Variants in PLEC observed in about 807,000 individuals in gnomAD.
The protein encoded by PLEC is plectin, also known as hemidesmosomal protein 1.
PLEC carries 216 observed loss-of-function variants against 392.8 expected under a neutral mutation model. The observed-to-expected ratio is 0.55, with a 90% CI of 0.49 to 0.62. The LOEUF (loss-of-function observed/expected upper bound fraction) is 0.62. PLEC is among the 20% of genes least tolerant of loss of function. PLEC has a pLI of 0.00. For synonymous variants in PLEC, 3,621 were observed against 2,980.6 expected (o/e 1.21, Z -7.00); for missense variants, 6,863 against 6,563.4 (o/e 1.05, Z -1.58).
upstream of PLEC, among the ~76,000 whole-genome samples, chr8:143,952,181 AACAC>A (rs66992958): frequency 0.059 from 8,207 of 140,200 alleles, 286 homozygotes; most frequent in Non-Finnish European, 0.078. Flanking sequence ...GCAGGCTCCA[AACAC>A]ACACACACAC....
chr8:143,919,043 G>A lies in PLEC; in HGVS notation c.10778C>T (p.Ser3593Leu), dbSNP rs782707803. The A allele has an allele frequency of 3.2e-5, 52 of 1,611,196 alleles. No homozygotes were observed. The highest frequency in any genetic ancestry group is 1.1e-4 in the East Asian group (5 of 44,872). The change falls in exon 32 of 32, where the codon TCG (serine) becomes TTG (leucine). Residue 3593 changes from serine to leucine, a missense_variant. Transcript: ENST00000345136. ...STMSLWEVMQ[S>L]DLIPEEQRAQ... The stretch of plus-strand genomic sequence containing the variant: ...CCGCTGCTCCTCGGGGATCAGGTCC[G>A]ACTGCATCACCTCCCACAGGGACAT...
intron 1 of PLEC, among the ~76,000 whole-genome samples, chr8:143,966,090 A>G (rs558622877): frequency 6.6e-6 from 1 of 152,188 alleles, no homozygotes; most frequent in Non-Finnish European, 1.5e-5. Context: ...CGACACCCCA[A>G]GCAGTCCCGC....
intron 16 of PLEC, 49 bp from the exon 17 acceptor site, chr8:143,932,283 T>C: frequency 6.2e-7 from 1 of 1,608,412 alleles, no homozygotes; most frequent in Non-Finnish European, 8.5e-7. Context: ...CACCCGGCTC[T>C]GCCACGCTCC....
upstream of PLEC, among the ~76,000 whole-genome samples, chr8:143,952,996 C>T (rs1246554408): frequency 7.4e-6 from 1 of 135,490 alleles, no homozygotes; most frequent in African/African-American, 2.7e-5. Flanking sequence ...GCGCCACCCC[C>T]CCCCGCCTCG....
At chr8:143,943,970 G>A (rs572864054), upstream of PLEC, 1,500 of 1,553,450 alleles carry the variant, frequency 9.7e-4, no homozygotes, top group Admixed American at 3.6e-3. Flanking sequence ...CCCTCCCTGC[G>A]TGCAGGGCGA....
chr8:143,968,021 G>A (rs1344851176), intron 1 of PLEC, among the ~76,000 whole-genome samples: 1 of 151,854 alleles, frequency 6.6e-6, no homozygotes, highest in Non-Finnish European at 1.5e-5. Context: ...CCAGCTACTC[G>A]GCGGACAGAG....
At chr8:143,926,167 G>C (rs1299344829) in intron 30 of PLEC, among the ~76,000 whole-genome samples, 1 of 152,220 alleles carries the variant, frequency 6.6e-6, no homozygotes, top group African/African-American at 2.4e-5. Context: ...GAGAGAGAGA[G>C]CAAAGCAGGA....
At chr8:143,962,992 T>C (rs1374302805) in intron 1 of PLEC, among the ~76,000 whole-genome samples, 1 of 152,214 alleles carries the variant, frequency 6.6e-6, no homozygotes, top group Non-Finnish European at 1.5e-5. Flanking sequence ...AAGCCATCTC[T>C]GCAGAGATGA....
chr8:143,948,085 G>A (rs1366653480), intron 1 of PLEC, among the ~76,000 whole-genome samples: 1 of 152,360 alleles, frequency 6.6e-6, no homozygotes, highest in African/African-American at 2.4e-5. Flanking sequence ...ACAAGCAGGT[G>A]GACGGATGGC....
At chr8:143,942,600 T>C (rs1830707571), upstream of PLEC, 2 of 1,432,948 alleles carry the variant, frequency 1.4e-6, no homozygotes. Flanking sequence ...CAGCCCACGC[T>C]GCGAGGCTGC....
rs1453624506 is a variant in PLEC, at chr8:143,925,700, TCCA to T, written c.4226_4228del (p.Val1409del). The T allele has an allele frequency of 1.6e-5, 26 of 1,592,122 alleles. No individual in the cohort carries two copies. Among genetic ancestry groups the T allele is most frequent in the African/African-American group, 2.7e-5 (2 of 74,674 alleles). On this transcript the variant is annotated inframe_deletion, in exon 31 of 32. Coordinates refer to ENST00000345136, the MANE Select transcript of PLEC (RefSeq NM_201384.3). ...AATGCTGCGCTTCTGCTGCTGCGCGTCCACCGCCGCCTCCTCCCGCCGCACCAC... is the reference window on the plus strand; with the variant it reads ...AATGCTGCGCTTCTGCTGCTGCGCGTCCGCCGCCTCCTCCCGCCGCACCAC...
chr8:143,975,252 G>A (rs781877536), upstream of PLEC: 38 of 1,608,144 alleles, frequency 2.4e-5, no homozygotes, highest in Admixed American at 3.2e-4. This position sits in a 1 kb window ranked among gnomAD's most constrained non-coding sequence, Gnocchi z 9.9. Context: ...CCGCTGCGCC[G>A]GCTCCGCTGC....
At chr8:143,975,377 T>C (rs1833625047), upstream of PLEC, 1 of 1,605,878 alleles carries the variant, frequency 6.2e-7, no homozygotes, top group African/African-American at 1.3e-5. The surrounding 1 kb of genome is among the most constrained non-coding windows in gnomAD (Gnocchi z 9.9). Context: ...CATGGCCTCC[T>C]GGAAGGGGAG....
rs375552577 is a variant in PLEC, at chr8:143,930,061, G to C, written c.2614C>G (p.Leu872Val). The change falls in exon 22 of 32, where the codon CTG becomes GTG. Residue 872 changes from leucine (L) to valine (V), a missense_variant and splice_region_variant. Transcript: ENST00000345136. ...NQEAQEAVTR[L>V]EAQHQALVTL... ...ACCAGGGCCTGGTGCTGGGCCTCCA[G>C]CCTGGCAGGTCAGGGCTACAGTCAG... is the stretch of plus-strand genomic sequence containing the variant. 41 of 1,610,380 alleles carry C rather than the reference G, an allele frequency of 2.5e-5. No homozygotes were observed. Among genetic ancestry groups the C allele is most frequent in the Admixed American group, 6.7e-5 (4 of 59,966 alleles).
Position 143,929,221 on chromosome 8 carries a change from C to T in PLEC, c.3142G>A (p.Glu1048Lys), listed in dbSNP as rs199523622. ...GGCTCTGGTAGGGCCAAGACCTTCT[C>T]GGCCTCGGCAGAGAGCCGGGCGACC... is the stretch of plus-strand genomic sequence containing the variant. ...KGVARLSAEA[E>K]KVLALPEPSP... Residue 1048 changes from glutamate (E) to lysine (K), a missense_variant, in exon 25 of 32, where the codon GAG becomes AAG. Physicochemically the swap from Glu to Lys is moderately conservative, Grantham distance 56 (BLOSUM62 1). Coordinates refer to ENST00000345136, the MANE Select transcript of PLEC (RefSeq NM_201384.3). 2.4e-4 allele frequency: 378 copies of T among 1,602,510 alleles called. 1 individual carries two copies. The highest frequency in any genetic ancestry group is 3.0e-4 in the Non-Finnish European group (349 of 1,178,564).
At position 143,922,354 on chromosome 8, in the gene PLEC, C is replaced by T; in HGVS notation, c.7467G>A (p.Gln2489=). 4 of 1,604,392 alleles carry T rather than the reference C, an allele frequency of 2.5e-6. No individual in the cohort carries two copies. The highest frequency in any genetic ancestry group is 1.3e-5 in the African/African-American group (1 of 75,060). Residue 2489 remains glutamine (Q), a synonymous_variant, in exon 32 of 32, where the codon CAG becomes CAA. Transcript: ENST00000345136. ...CAGAGAGGAAGCTTTGCTGCAGGGC[C>T]TGCGTCTCCTGCAGCAGCTGCTCCT... ...VQQEQLLQET[Q]ALQQSFLSEK... is the part of the protein sequence containing the mutation.
Position 143,935,964 on chromosome 8 carries a change from C to A in PLEC, c.486G>T (p.Glu162Asp). ...TTCGCTGCGACCACAGCAGCAGCTT[C>A]TCCTTGGCCGTCATGTCCTCCGACT... ...SGQSEDMTAK[E>D]KLLLWSQRMV... Residue 162 changes from glutamate (E) to aspartate (D), a missense_variant, in exon 6 of 32, where the codon GAG (glutamate) becomes GAT (aspartate). By Grantham distance (45) the Glu-to-Asp change is conservative. Transcript: ENST00000345136. The A allele has an allele frequency of 6.2e-7, 1 of 1,612,902 alleles. No individual in the cohort carries two copies. Among genetic ancestry groups the A allele is most frequent in the Non-Finnish European group, 8.5e-7 (1 of 1,179,976 alleles).
intron 17 of PLEC, 32 bp downstream of exon 17, chr8:143,932,098 C>A: frequency 6.3e-7 from 1 of 1,587,476 alleles, no homozygotes. Context: ...ACGGCCCCCC[C>A]CGCAGCCCCG....
At chr8:143,965,103 ACT>A (rs1483327844) in intron 1 of PLEC, among the ~76,000 whole-genome samples, 1 of 150,514 alleles carries the variant, frequency 6.6e-6, no homozygotes, top group East Asian at 2.0e-4. Flanking sequence ...GAGCACCCAG[ACT>A]CACACCAGCC....
Sources: allele counts gnomAD v4.1 joint callset (sites outside exome capture counted in the v4.1 genomes callset), GRCh38; gene constraint gnomAD v4.1.1; non-coding constraint Gnocchi (gnomAD v3.1); transcripts MANE v1.5; gene names NCBI Gene and HGNC (gene_info 2026-07-23, HGNC 2026-07-21).